The following ATL2 variants were observed in gnomAD, a reference collection of about 807,000 sequenced individuals.
ATL2 encodes atlastin GTPase 2, also known as atlastin-2.
In ATL2, 31 loss-of-function variants were observed where a neutral mutation model predicts 73.9. The observed-to-expected ratio is 0.42, with a 90% CI of 0.32 to 0.57. The LOEUF (loss-of-function observed/expected upper bound fraction) is 0.57. ATL2 is among the 20% of genes least tolerant of loss of function. The pLI is 0.14. For synonymous variants in ATL2, 291 were observed against 237.5 expected (o/e 1.23, Z -2.07); for missense variants, 738 against 702.6 (o/e 1.05, Z -0.57).
intron 1 of ATL2, chr2:38,359,371 G>A (rs1366043586): frequency 6.6e-6 from 1 of 151,800 alleles, no homozygotes; most frequent in Non-Finnish European, 1.5e-5. Context: ...TTGGGAGGCT[G>A]AGGCAGAAGA....
At chr2:38,308,609 T>C (rs1667580306) in intron 9 of ATL2, among the ~76,000 whole-genome samples, 4 of 152,056 alleles carry the variant, frequency 2.6e-5, no homozygotes, top group South Asian at 2.1e-4. Context: ...TATAATTGGA[T>C]TGTCTGTAAC....
intron 1 of ATL2, among the ~76,000 whole-genome samples, chr2:38,363,048 A>G (rs866009749): frequency 1.5e-4 from 23 of 152,230 alleles, no homozygotes; most frequent in African/African-American, 4.1e-4. Context: ...CAGAGTGCCG[A>G]CTATGTGCCT....
At chr2:38,301,610 G>C (rs1667195635) in intron 9 of ATL2, among the ~76,000 whole-genome samples, 1 of 152,194 alleles carries the variant, frequency 6.6e-6, no homozygotes, top group Non-Finnish European at 1.5e-5. Flanking sequence ...TTTTTGCATT[G>C]AAACTCAGCG....
chr2:38,325,698 G>GAA (rs1558412109), intron 2 of ATL2, among the ~76,000 whole-genome samples: 8 of 4,108 alleles, frequency 1.9e-3, no homozygotes, highest in South Asian at 0.014. Context: ...ACACACACCA[G>GAA]TACACACACA....
chr2:38,354,193 G>C (rs768147030), intron 1 of ATL2: 1 of 413,492 alleles, frequency 2.4e-6, no homozygotes, highest in African/African-American at 3.5e-5. Flanking sequence ...TCAAAAAAAA[G>C]CAAAGAGTAT....
intron 1 of ATL2, among the ~76,000 whole-genome samples, chr2:38,345,078 C>T (rs528007671): frequency 5.9e-5 from 9 of 152,250 alleles, no homozygotes; most frequent in East Asian, 3.9e-4. Flanking sequence ...GTCTGACTTT[C>T]TTCTCTACCA....
intron 9 of ATL2, among the ~76,000 whole-genome samples, chr2:38,302,688 T>C (rs113745355): frequency 0.019 from 2,839 of 152,128 alleles, 96 homozygotes; most frequent in African/African-American, 0.065. Context: ...ATCCAGGGAA[T>C]TCTCCTGGAT....
intron 2 of ATL2, among the ~76,000 whole-genome samples, chr2:38,335,994 C>T (rs1001809483): frequency 2.6e-5 from 4 of 152,060 alleles, no homozygotes; most frequent in Admixed American, 6.5e-5. Flanking sequence ...CCAGCCTGGG[C>T]GCCACAGCGA....
chr2:38,327,292 A>G (rs1448364111), intron 2 of ATL2, among the ~76,000 whole-genome samples: 2 of 152,088 alleles, frequency 1.3e-5, no homozygotes, highest in Non-Finnish European at 2.9e-5. Context: ...AAGGGAAACA[A>G]ATGACAGCAA....
chr2:38,351,180 A>T (rs1355898041), intron 1 of ATL2, among the ~76,000 whole-genome samples: 1 of 152,216 alleles, frequency 6.6e-6, no homozygotes, highest in Non-Finnish European at 1.5e-5. Context: ...ACAAAAGCTA[A>T]GTAACGTGTT....
intron 1 of ATL2, among the ~76,000 whole-genome samples, chr2:38,370,484 C>CAAAAAA (rs1671621324): frequency 1.0e-5 from 1 of 99,284 alleles, no homozygotes. Context: ...AAAAAAAAAT[C>CAAAAAA]AACCCAGCCA....
At chr2:38,372,059 G>A (rs569724138) in intron 1 of ATL2, among the ~76,000 whole-genome samples, 1 of 150,886 alleles carries the variant, frequency 6.6e-6, no homozygotes, top group African/African-American at 2.4e-5. Context: ...TATTCTAAAG[G>A]ATTAAATGAA....
At chr2:38,353,605 G>C (rs1430380141) in intron 1 of ATL2, among the ~76,000 whole-genome samples, 1 of 152,114 alleles carries the variant, frequency 6.6e-6, no homozygotes, top group Non-Finnish European at 1.5e-5. Flanking sequence ...CAAACCTCCA[G>C]TACGGTAATA....
intron 1 of ATL2, among the ~76,000 whole-genome samples, chr2:38,355,583 A>T (rs1201454757): frequency 6.6e-6 from 1 of 152,228 alleles, no homozygotes; most frequent in Non-Finnish European, 1.5e-5. Context: ...TACCACATAT[A>T]AAATGTGTAC....
At chr2:38,371,502 A>G (rs567476029) in intron 1 of ATL2, among the ~76,000 whole-genome samples, 95 of 152,318 alleles carry the variant, frequency 6.2e-4, no homozygotes, top group African/African-American at 2.2e-3. Flanking sequence ...CCTCGTTTCA[A>G]AAAACATAGA....
chr2:38,364,156 G>A (rs957899340), intron 1 of ATL2, among the ~76,000 whole-genome samples: 5 of 152,156 alleles, frequency 3.3e-5, no homozygotes, highest in Admixed American at 6.5e-5. Context: ...CAGCTACTCA[G>A]GAGGCTGAGG....
intron 2 of ATL2, among the ~76,000 whole-genome samples, chr2:38,323,985 G>C (rs964351018): frequency 6.6e-6 from 1 of 152,198 alleles, no homozygotes; most frequent in Non-Finnish European, 1.5e-5. Context: ...ATGAAATTAA[G>C]ATCCAAGTGG....
chr2:38,331,686 T>C (rs369172822), intron 2 of ATL2, among the ~76,000 whole-genome samples: 1 of 151,112 alleles, frequency 6.6e-6, no homozygotes, highest in African/African-American at 2.4e-5. Context: ...AATAAATTCA[T>C]ATATCTATAA....
At chr2:38,349,613 G>A (rs907333770) in intron 1 of ATL2, among the ~76,000 whole-genome samples, 1 of 151,146 alleles carries the variant, frequency 6.6e-6, no homozygotes, top group Admixed American at 6.6e-5. Flanking sequence ...CATGGCACAT[G>A]TATACATATG....
Sources: gnomAD v4.1 joint callset for allele counts (sites outside exome capture counted in the v4.1 genomes callset) on GRCh38, gnomAD v4.1.1 for gene constraint, MANE v1.5 for transcripts, NCBI Gene and HGNC (gene_info 2026-07-23, HGNC 2026-07-21) for gene names.